Variants in NCOR2 observed in about 807,000 individuals in gnomAD.
NCOR2 encodes the protein nuclear receptor corepressor 2, also known as CTG repeat protein 26.
In NCOR2, 81 loss-of-function variants were observed where a neutral mutation model predicts 262.9. That is an observed-to-expected ratio of 0.31 (90% confidence interval 0.26 to 0.37). The LOEUF is 0.37. NCOR2 is among the 10% of genes least tolerant of loss of function. The pLI is 1.00. For synonymous variants in NCOR2, 1,659 were observed against 1,559.3 expected, an observed-to-expected ratio of 1.06 and a Z score of -1.51; for missense variants, 3,385 against 3,621.4, an observed-to-expected ratio of 0.93 and a Z score of 1.68.
At chr12:124,532,274 A>C (rs1594008648) in intron 1 of NCOR2, among the ~76,000 whole-genome samples, 3 of 143,780 alleles carry the variant, frequency 2.1e-5, no homozygotes, top group African/African-American at 5.2e-5. Context: ...CCCCCCACCC[A>C]CCCTCTCCAG....
chr12:124,445,889 T>C (rs2045136545), intron 7 of NCOR2, among the ~76,000 whole-genome samples: 1 of 152,216 alleles, frequency 6.6e-6, no homozygotes. Flanking sequence ...GTGCTGTACG[T>C]GCTGAGCACT....
intron 21 of NCOR2, 53 bp downstream of exon 23, chr12:124,363,626 G>C (rs2038790649): frequency 5.3e-6 from 7 of 1,317,722 alleles, no homozygotes; most frequent in Non-Finnish European, 5.9e-6. Context: ...CTCAATGAAT[G>C]GGAAAGTCAA....
At chr12:124,332,226 TG>T in intron 43 of NCOR2, 92 bp downstream of exon 45, 1 of 1,504,528 alleles carries the variant, frequency 6.6e-7, no homozygotes, top group Non-Finnish European at 9.1e-7. Context: ...AGGTGCACCG[TG>T]GGTTTCTGCC....
chr12:124,325,382 C>T (rs916021882), exon 47 of NCOR2: 1 of 412,982 alleles, frequency 2.4e-6, no homozygotes, highest in Non-Finnish European at 3.8e-6. Flanking sequence ...ACACCGCCCC[C>T]CCCCCCGCCC....
intron 1 of NCOR2, among the ~76,000 whole-genome samples, chr12:124,558,898 C>T (rs2051976481): frequency 1.3e-5 from 2 of 152,202 alleles, no homozygotes; most frequent in African/African-American, 4.8e-5. Flanking sequence ...CGCGTGGAGC[C>T]TTTATTATTG....
chr12:124,354,643 C>T, intron 25 of NCOR2, 61 bp from the exon 28 acceptor site: 1 of 1,422,714 alleles, frequency 7.0e-7, no homozygotes, highest in East Asian at 2.5e-5. Context: ...GGAGGCTTGT[C>T]CCCACCCAAC....
rs778324023 is a variant in NCOR2, at chr12:124,531,554, G to A, written c.-118+4011C>T. The stretch of plus-strand genomic sequence containing the variant: ...GGAGGGGAGGAAGGGATTGCAGGGA[G>A]CCCCCGCCCAGGGCTGAGCATCCAG... On this transcript the variant is annotated intron_variant, in intron 1 of 46. Coordinates refer to the NCOR2 transcript ENST00000404621. The surrounding 1 kb of genome is among the most constrained non-coding windows in gnomAD (Gnocchi z 4.5). Among the ~76,000 whole-genome samples the A allele has an allele frequency of 6.6e-6, 1 of 152,130 alleles. No homozygotes were observed. The highest frequency in any genetic ancestry group is 2.4e-5 in the African/African-American group (1 of 41,422).
chr12:124,477,823 A>T (rs372733141), intron 3 of NCOR2, among the ~76,000 whole-genome samples: 3 of 128,386 alleles, frequency 2.3e-5, no homozygotes, highest in Non-Finnish European at 5.5e-5. Context: ...ACAAGTTGCC[A>T]GGGGGCAGTG....
At chr12:124,436,544 G>A (rs1218253927) in intron 8 of NCOR2, among the ~76,000 whole-genome samples, 1 of 152,204 alleles carries the variant, frequency 6.6e-6, no homozygotes, top group East Asian at 1.9e-4. Flanking sequence ...TGTCCCAGCA[G>A]CCCCGTGGCT....
intron 10 of NCOR2, 80 bp from the exon 13 acceptor site, chr12:124,426,880 G>A (rs553063668): frequency 2.2e-6 from 3 of 1,373,396 alleles, no homozygotes; most frequent in Non-Finnish European, 3.0e-6. Context: ...GGAAGACACA[G>A]AGGGGACGGA....
chr12:124,387,614 C>A (rs374135153), intron 16 of NCOR2, among the ~76,000 whole-genome samples: 6 of 152,150 alleles, frequency 3.9e-5, no homozygotes, highest in African/African-American at 1.4e-4. Flanking sequence ...CTGGGAGCCA[C>A]GTGGCCTCAC....
chr12:124,430,491 T>C (rs980230338), intron 9 of NCOR2, 124 bp downstream of exon 11: 27 of 1,215,234 alleles, frequency 2.2e-5, no homozygotes, highest in Non-Finnish European at 2.9e-5. Flanking sequence ...GGTAGGGCCC[T>C]GGCCACTGGC....
intron 44 of NCOR2, among the ~76,000 whole-genome samples, 170 bp downstream of exon 46, chr12:124,330,675 G>A (rs1329731585): frequency 1.3e-5 from 2 of 152,218 alleles, no homozygotes; most frequent in Non-Finnish European, 2.9e-5. Context: ...AACAAGCCTC[G>A]CCTGCCTGTT....
At chr12:124,554,854 T>TC (rs1459041396) in intron 1 of NCOR2, among the ~76,000 whole-genome samples, 1 of 152,242 alleles carries the variant, frequency 6.6e-6, no homozygotes, top group Non-Finnish European at 1.5e-5. Flanking sequence ...AGGGTCAGCT[T>TC]CCTGCACAGC....
In NCOR2 at chr12:124,337,214, G is replaced by A. The variant is rs756628474; in HGVS notation, c.5688-34C>T. On this transcript the variant is annotated intron_variant, in intron 37 of 46. Transcript: ENST00000405201. The stretch of plus-strand genomic sequence containing the variant: ...GGAGAGAAGGCGGTCAGGCAGTCAT[G>A]GGAGCTGCCCTCTTCCTCCACCACC... 6 of 1,547,108 alleles carry A rather than the reference G, an allele frequency of 3.9e-6. No individual in the cohort carries two copies. The South Asian group carries it at 7.2e-5, about 18-fold the overall frequency.
At chr12:124,398,821 G>A (rs373732708) in intron 15 of NCOR2, among the ~76,000 whole-genome samples, 77 of 152,374 alleles carry the variant, frequency 5.1e-4, no homozygotes, top group African/African-American at 1.8e-3. Flanking sequence ...TGCTCCAGAG[G>A]GAATGTTCAT....
chr12:124,383,821 C>A (rs2040590125), intron 17 of NCOR2, among the ~76,000 whole-genome samples: 2 of 152,342 alleles, frequency 1.3e-5, no homozygotes, highest in South Asian at 4.1e-4. Flanking sequence ...ACAAGCTGGG[C>A]CTTGACCCCA....
At position 124,482,107 on chromosome 12, in the gene NCOR2, G is replaced by A. The variant is rs1222591150; in HGVS notation, c.411+1489C>T. ...CATCCGCCGGGGGAGGTTCCTGAGT[G>A]GGCTCTCAGGCGCATGTGGTCTGTT... On this transcript the variant is annotated intron_variant, in intron 3 of 46. Coordinates refer to ENST00000405201, the Ensembl canonical transcript of NCOR2. The surrounding 1 kb of genome is among the most constrained non-coding windows in gnomAD (Gnocchi z 6.3). 1.3e-5 allele frequency among the ~76,000 whole-genome samples: 2 copies of A among 152,240 alleles called. No homozygotes were observed. The highest frequency in any genetic ancestry group is 3.4e-3 in the Middle Eastern group (1 of 294).
chr12:124,438,566 G>C (rs1377338599), intron 7 of NCOR2, among the ~76,000 whole-genome samples: 1 of 152,074 alleles, frequency 6.6e-6, no homozygotes, highest in Non-Finnish European at 1.5e-5. Context: ...GGGCGGGGGC[G>C]GTCTCAGACT....
Sources: allele counts gnomAD v4.1 joint callset (sites outside exome capture counted in the v4.1 genomes callset), GRCh38; gene constraint gnomAD v4.1.1; non-coding constraint Gnocchi (gnomAD v3.1); transcripts MANE v1.5; gene names NCBI Gene and HGNC (gene_info 2026-07-23, HGNC 2026-07-21).